HDAC9: variants seen among roughly 807,000 people sequenced by gnomAD.
HDAC9 encodes MEF-2 interacting transcription repressor (MITR) protein.
HDAC9 carries 41 observed loss-of-function variants against 139.4 expected under a neutral mutation model. The ratio of observed to expected loss-of-function variants is 0.29; its 90% CI spans 0.23 to 0.38. The LOEUF (loss-of-function observed/expected upper bound fraction) is 0.38, where lower values mean the gene tolerates loss of function less well. HDAC9 is among the 10% of genes least tolerant of loss of function. The probability of loss-of-function intolerance (pLI) is 1.00; values close to 1 mark genes in which losing one functional copy is unlikely to be tolerated. For synonymous variants in HDAC9, 517 were observed against 476.2 expected, an observed-to-expected ratio of 1.09 and a Z score of -1.12; for missense variants, 1,147 against 1,297.0, an observed-to-expected ratio of 0.88 and a Z score of 1.78.
At chr7:18,186,507 C>G (rs1265384995) in intron 2 of HDAC9, among the ~76,000 whole-genome samples, 7 of 152,144 alleles carry the variant, frequency 4.6e-5, no homozygotes, top group Non-Finnish European at 1.0e-4. Context: ...AGACTCTGCC[C>G]CACTCTTCAC....
intron 2 of HDAC9, among the ~76,000 whole-genome samples, chr7:18,173,772 C>T (rs1788651050): frequency 6.6e-6 from 1 of 152,136 alleles, no homozygotes; most frequent in Admixed American, 6.5e-5. Context: ...AATTTTGGCC[C>T]CCACTCTCTT....
At chr7:18,892,910 A>C (rs1800809947) in intron 22 of HDAC9, among the ~76,000 whole-genome samples, 1 of 151,726 alleles carries the variant, frequency 6.6e-6, no homozygotes. Flanking sequence ...AGTTTAAGGA[A>C]CTTAAGTTTA....
intron 12 of HDAC9, among the ~76,000 whole-genome samples, chr7:18,700,111 T>G (rs1029539282): frequency 2.0e-5 from 3 of 152,056 alleles, no homozygotes; most frequent in African/African-American, 7.2e-5. Context: ...CATTGGAAGC[T>G]ACAAGAAGAA....
chr7:18,572,329 C>A (rs941186294), intron 2 of HDAC9, among the ~76,000 whole-genome samples: 2 of 147,022 alleles, frequency 1.4e-5, no homozygotes, highest in Admixed American at 6.7e-5. Context: ...GTCATATTCA[C>A]AAATATGACT....
chr7:18,384,310 GAA>G (rs932810080), intron 1 of HDAC9, among the ~76,000 whole-genome samples: 1 of 145,144 alleles, frequency 6.9e-6, no homozygotes, highest in African/African-American at 2.5e-5. Flanking sequence ...CCTATCTCAA[GAA>G]AAAAAAAATG....
chr7:18,899,697 A>C (rs571653322), intron 22 of HDAC9, among the ~76,000 whole-genome samples: 1 of 152,082 alleles, frequency 6.6e-6, no homozygotes, highest in African/African-American at 2.4e-5. Flanking sequence ...GCCTTGAACT[A>C]TTCAATGTAA....
intron 1 of HDAC9, among the ~76,000 whole-genome samples, chr7:18,100,447 A>C (rs1468218789): frequency 1.3e-5 from 2 of 152,098 alleles, no homozygotes; most frequent in African/African-American, 4.8e-5. Context: ...CATGTATATT[A>C]GGATCACTGA....
chr7:18,540,084 C>T (rs1317416755), intron 2 of HDAC9, among the ~76,000 whole-genome samples: 6 of 143,318 alleles, frequency 4.2e-5, no homozygotes, highest in Admixed American at 7.0e-5. Flanking sequence ...ATGTTGAAAC[C>T]GCATCCCTAC....
intron 17 of HDAC9, among the ~76,000 whole-genome samples, chr7:18,825,616 C>A (rs989005123): frequency 1.3e-5 from 2 of 151,652 alleles, no homozygotes; most frequent in Non-Finnish European, 2.9e-5. Flanking sequence ...GACAGACCAC[C>A]TTTTCAAGAA....
In HDAC9 at chr7:18,975,313, G is replaced by A. The variant is rs1784483423; in HGVS notation, c.3023-493G>A. ...CAGGACTAACAAACCTGATTGTTCT[G>A]GCAAAGTTGCCATTCAATTCATGCT... is the stretch of plus-strand genomic sequence containing the variant. On this transcript the variant is annotated intron_variant, in intron 24 of 25. Transcript: ENST00000686413. 3.3e-5 allele frequency among the ~76,000 whole-genome samples: 5 copies of A among 152,176 alleles called. 1 individual carries two copies. The South Asian group carries it at 1.0e-3, about 31-fold the overall frequency.
chr7:18,115,792 C>G (rs1006072609), intron 1 of HDAC9, among the ~76,000 whole-genome samples: 4 of 152,152 alleles, frequency 2.6e-5, no homozygotes, highest in African/African-American at 7.2e-5. Context: ...CATTAAAATC[C>G]TAGAAGCTGA....
chr7:18,172,171 G>A (rs904132540), intron 2 of HDAC9, among the ~76,000 whole-genome samples: 2 of 152,104 alleles, frequency 1.3e-5, no homozygotes, highest in Non-Finnish European at 2.9e-5. Flanking sequence ...GTTTAGTCTT[G>A]GGAGGGTGTA....
chr7:18,667,694 T>A (rs746966172), intron 12 of HDAC9: 6 of 985,196 alleles, frequency 6.1e-6, no homozygotes, highest in Non-Finnish European at 7.2e-6. Context: ...TACTGAGGAA[T>A]GTAGGAAAAA....
intron 1 of HDAC9, chr7:18,325,608 C>T (rs977354397): frequency 6.6e-6 from 1 of 151,832 alleles, no homozygotes; most frequent in Non-Finnish European, 1.5e-5. Context: ...ATTACAGACA[C>T]ACAAAATTTT....
At chr7:18,737,527 C>A (rs1020761681) in intron 13 of HDAC9, among the ~76,000 whole-genome samples, 1 of 152,120 alleles carries the variant, frequency 6.6e-6, no homozygotes, top group African/African-American at 2.4e-5. Context: ...GTTCAGTTTC[C>A]ATGTAGTTGT....
chr7:18,629,609 A>G, intron 7 of HDAC9, 128 bp downstream of exon 7: 1 of 917,704 alleles, frequency 1.1e-6, no homozygotes, highest in Admixed American at 3.3e-5. Flanking sequence ...AGGAAATTAT[A>G]TTGAAAACTC....
rs547140356 is a variant in HDAC9 at position 18,174,080 on chromosome 7, A to G, written c.25+11731A>G. Among the ~76,000 whole-genome samples the G allele has an allele frequency of 2.0e-5, 3 of 152,302 alleles. No homozygotes were observed. The East Asian group carries it at 5.8e-4, about 29-fold the overall frequency. On this transcript the variant is annotated intron_variant, in intron 2 of 12. Transcript: ENST00000417496. ...TCCATTCTCCCCATCACTTTCAGGT[A>G]CACCAATCAGATGTAGATTTGGTCT...
intron 14 of HDAC9, among the ~76,000 whole-genome samples, chr7:18,758,973 A>T (rs1789130653): frequency 6.6e-6 from 1 of 151,504 alleles, no homozygotes; most frequent in Non-Finnish European, 1.5e-5. Flanking sequence ...AATAAGAGCC[A>T]GTGTAAAATA....
chr7:18,673,206 G>A (rs565318408), intron 12 of HDAC9, among the ~76,000 whole-genome samples: 1 of 151,992 alleles, frequency 6.6e-6, no homozygotes, highest in African/African-American at 2.4e-5. Context: ...TTGAGCCCAC[G>A]AGTTTGAGGC....
Sources: gnomAD v4.1 joint callset for allele counts (sites outside exome capture counted in the v4.1 genomes callset) on GRCh38, gnomAD v4.1.1 for gene constraint, MANE v1.5 for transcripts, NCBI Gene and HGNC (gene_info 2026-07-23, HGNC 2026-07-21) for gene names.